The following NBAS variants were observed in gnomAD, a reference collection of about 807,000 sequenced individuals.
NBAS encodes NAG/BC035112 fusion.
Under a neutral mutation model 302.5 loss-of-function variants are expected in NBAS, and 219 were observed. The ratio of observed to expected loss-of-function variants is 0.72; its 90% CI spans 0.65 to 0.81. The LOEUF is 0.81. NBAS is among the 30% of genes least tolerant of loss of function. The pLI is 0.00. For missense variants in NBAS, 2,932 were observed against 2,841.6 expected, an observed-to-expected ratio of 1.03 and a Z score of -0.72; for synonymous variants, 1,118 against 1,021.6, an observed-to-expected ratio of 1.09 and a Z score of -1.80.
At chr2:15,060,069 C>T in the NBAS span, among the ~76,000 whole-genome samples, 5 of 152,120 alleles carry the variant, frequency 3.3e-5, no homozygotes, top group African/African-American at 7.2e-5. Flanking sequence ...CTAGCTCTGC[C>T]GCCAGCATGC....
At chr2:15,362,843 G>A (rs1363995018) in intron 32 of NBAS, among the ~76,000 whole-genome samples, 1 of 152,108 alleles carries the variant, frequency 6.6e-6, no homozygotes, top group Admixed American at 6.6e-5. Context: ...TTGACTTTAC[G>A]TAAAGAAGTT....
At chr2:15,032,358 A>G in the NBAS span, among the ~76,000 whole-genome samples, 1 of 152,222 alleles carries the variant, frequency 6.6e-6, no homozygotes, top group African/African-American at 2.4e-5. Context: ...GGAAATGAGG[A>G]TTGTATAACT....
the NBAS span, among the ~76,000 whole-genome samples, chr2:15,130,281 T>A: frequency 2.6e-5 from 4 of 152,244 alleles, no homozygotes; most frequent in Non-Finnish European, 5.9e-5. Context: ...ACATTTTGCT[T>A]ATTATTCATT....
At chr2:14,812,413 C>T in the NBAS span, among the ~76,000 whole-genome samples, 2 of 152,168 alleles carry the variant, frequency 1.3e-5, no homozygotes, top group African/African-American at 4.8e-5. Flanking sequence ...TCTACAAGTC[C>T]CCCACAATCT....
chr2:15,049,941 A>C, the NBAS span, among the ~76,000 whole-genome samples: 1 of 152,208 alleles, frequency 6.6e-6, no homozygotes, highest in Non-Finnish European at 1.5e-5. Context: ...TGCTAGCCGC[A>C]GGTATCTGCT....
intron 48 of NBAS, among the ~76,000 whole-genome samples, chr2:15,191,682 A>T (rs1014737181): frequency 3.9e-5 from 6 of 152,332 alleles, no homozygotes; most frequent in Non-Finnish European, 7.3e-5. Flanking sequence ...ATATCACTAT[A>T]ATCAGATCAG....
chr2:15,028,169 T>A, the NBAS span, among the ~76,000 whole-genome samples: 2 of 152,242 alleles, frequency 1.3e-5, no homozygotes, highest in African/African-American at 4.8e-5. Context: ...GGAACTGATG[T>A]GCTTATAGCT....
intron 28 of NBAS, among the ~76,000 whole-genome samples, chr2:15,390,231 A>C (rs1461660227): frequency 6.6e-6 from 1 of 152,226 alleles, no homozygotes; most frequent in Non-Finnish European, 1.5e-5. Flanking sequence ...TTAGCCCTAG[A>C]AGGAGCTCTT....
At chr2:15,526,677 A>C (rs1261691193) in intron 9 of NBAS, among the ~76,000 whole-genome samples, 1 of 152,182 alleles carries the variant, frequency 6.6e-6, no homozygotes, top group African/African-American at 2.4e-5. Context: ...AGAAACAATA[A>C]TGTAGTTATC....
intron 3 of NBAS, among the ~76,000 whole-genome samples, chr2:15,554,748 G>A (rs1333846753): frequency 6.6e-6 from 1 of 151,288 alleles, no homozygotes; most frequent in Non-Finnish European, 1.5e-5. Context: ...ATAGGCCCAG[G>A]GAGACTAAAG....
rs1324732725 is a variant in NBAS, at chr2:15,412,795, C to G, written c.2937+2751G>C. 9.2e-5 allele frequency among the ~76,000 whole-genome samples: 14 copies of G among 152,296 alleles called. No individual in the cohort carries two copies. In the East Asian group the frequency reaches 2.7e-3, roughly 29 times the overall value. ...GAGCCATGAAGGGGGGGCTCTTACA[C>G]ATCATTTGCCTGATAACAGGTAACT... On this transcript the variant is annotated intron_variant, in intron 25 of 51. Transcript: ENST00000281513.
chr2:15,424,220 T>C, intron 23 of NBAS, 95 bp downstream of exon 23: 6 of 1,361,786 alleles, frequency 4.4e-6, no homozygotes, highest in Non-Finnish European at 6.3e-6. Context: ...ACATGATTCC[T>C]GCACTGCTGT....
At chr2:15,074,118 C>T in the NBAS span, among the ~76,000 whole-genome samples, 5 of 152,052 alleles carry the variant, frequency 3.3e-5, no homozygotes, top group African/African-American at 1.2e-4. Context: ...GACAGAGCAA[C>T]AGAATAGCTC....
chr2:14,798,545 T>C, the NBAS span, among the ~76,000 whole-genome samples: 1 of 152,292 alleles, frequency 6.6e-6, no homozygotes, highest in East Asian at 1.9e-4. Context: ...AAAATTTTTT[T>C]AGTAATAACT....
chr2:15,299,636 T>C (rs576578604), intron 40 of NBAS, among the ~76,000 whole-genome samples: 2 of 152,320 alleles, frequency 1.3e-5, no homozygotes, highest in Admixed American at 6.5e-5. Context: ...CCCTAGTCTA[T>C]AAAACTAAAG....
chr2:15,170,747 A>G (rs905571497), intron 51 of NBAS, among the ~76,000 whole-genome samples: 1 of 152,244 alleles, frequency 6.6e-6, no homozygotes, highest in Non-Finnish European at 1.5e-5. Flanking sequence ...AACAAAATAG[A>G]AAATGAAAGA....
At chr2:15,407,722 T>A (rs1481199319) in intron 25 of NBAS, among the ~76,000 whole-genome samples, 2 of 152,244 alleles carry the variant, frequency 1.3e-5, no homozygotes, top group African/African-American at 4.8e-5. Flanking sequence ...ACATTATTTG[T>A]AGTTTTCTGT....
At chr2:15,396,508 T>G in intron 26 of NBAS, 33 bp from the exon 27 acceptor site, 1 of 1,439,870 alleles carries the variant, frequency 6.9e-7, no homozygotes, top group South Asian at 1.3e-5. Flanking sequence ...AAAAAAGCCC[T>G]TAAGTTTAGT....
the NBAS span, among the ~76,000 whole-genome samples, chr2:15,143,262 T>A: frequency 6.6e-6 from 1 of 152,184 alleles, no homozygotes; most frequent in Non-Finnish European, 1.5e-5. Flanking sequence ...CAAACAAGAA[T>A]TAGAGGCTCA....
Sources: allele counts gnomAD v4.1 joint callset (sites outside exome capture counted in the v4.1 genomes callset), GRCh38; gene constraint gnomAD v4.1.1; transcripts MANE v1.5; gene names NCBI Gene and HGNC (gene_info 2026-07-23, HGNC 2026-07-21).